The following UBE2V2 variants were observed in gnomAD, a reference collection of about 807,000 sequenced individuals.
The protein encoded by UBE2V2 is ubiquitin conjugating enzyme E2 V2, also known as ubiquitin-conjugating enzyme E2 variant 2.
Under a neutral mutation model 17.2 loss-of-function variants are expected in UBE2V2, and 9 were observed. That is an observed-to-expected ratio of 0.52 (90% CI 0.32 to 0.91). The LOEUF is 0.91. UBE2V2 is among the 40% of genes least tolerant of loss of function. UBE2V2 has a pLI of 0.04. For synonymous variants in UBE2V2, 61 were observed against 57.5 expected (o/e 1.06, Z -0.28); for missense variants, 133 against 182.6 (o/e 0.73, Z 1.56).
chr8:48,006,589 A>G (rs1563845424), upstream of UBE2V2, among the ~76,000 whole-genome samples: 1 of 152,186 alleles, frequency 6.6e-6, no homozygotes, highest in African/African-American at 2.4e-5. Context: ...AAGCTTATCC[A>G]CCAAGATCAA....
chr8:48,001,663 G>C, the UBE2V2 span, among the ~76,000 whole-genome samples: 1 of 152,084 alleles, frequency 6.6e-6, no homozygotes, highest in Non-Finnish European at 1.5e-5. Flanking sequence ...GTGAAAAATT[G>C]GTCCTCCAGA....
intron 1 of UBE2V2, among the ~76,000 whole-genome samples, chr8:48,020,887 G>A (rs1045458531): frequency 2.3e-4 from 35 of 151,558 alleles, no homozygotes; most frequent in African/African-American, 8.5e-4. Context: ...GCAGGCATGT[G>A]CCACGATGCC....
the UBE2V2 span, among the ~76,000 whole-genome samples, chr8:47,999,939 A>G: frequency 2.0e-5 from 3 of 152,258 alleles, no homozygotes; most frequent in Non-Finnish European, 4.4e-5. Flanking sequence ...TGCATGCACC[A>G]GTAATCAGAA....
chr8:48,037,998 CTT>C (rs771255564), intron 1 of UBE2V2, among the ~76,000 whole-genome samples: 11 of 152,290 alleles, frequency 7.2e-5, no homozygotes, highest in African/African-American at 1.9e-4. Flanking sequence ...ATTTCTGACT[CTT>C]TGCTCTCATA....
chr8:48,021,855 T>A, intron 1 of UBE2V2, among the ~76,000 whole-genome samples: 1 of 151,546 alleles, frequency 6.6e-6, no homozygotes, highest in East Asian at 2.0e-4. Context: ...GTCTGGCTAA[T>A]TTTTAGTAGA....
At position 48,027,875 on chromosome 8, in the gene UBE2V2, A is replaced by G. The variant is rs954345548; in HGVS notation, c.17-15158A>G. On this transcript the variant is annotated intron_variant, in intron 1 of 3. Coordinates refer to ENST00000523111, the MANE Select transcript of UBE2V2 (RefSeq NM_003350.3). ...TTTATTCATTTTTTTTTTGTTTTTG[A>G]GACGGAGTCTCGCTCTCGCCCAGGC... Among the ~76,000 whole-genome samples the G allele has an allele frequency of 5.3e-5, 8 of 151,644 alleles. 1 individual carries two copies. The highest frequency in any genetic ancestry group is 1.9e-4 in the African/African-American group (8 of 41,260).
At chr8:48,032,725 TCAAAA>T (rs2091392377) in intron 1 of UBE2V2, among the ~76,000 whole-genome samples, 1 of 152,132 alleles carries the variant, frequency 6.6e-6, no homozygotes, top group Admixed American at 6.6e-5. Context: ...AGTCCCTGTC[TCAAAA>T]CAAACACGCA....
chr8:48,043,833 G>T (rs567286145), intron 2 of UBE2V2, among the ~76,000 whole-genome samples: 1 of 151,878 alleles, frequency 6.6e-6, no homozygotes, highest in South Asian at 2.1e-4. Flanking sequence ...TTTCTAGTAT[G>T]GTTGGCAACT....
rs1302189402 is a variant in UBE2V2, at chr8:48,062,933, G to T, written c.*2105G>T. On this transcript the variant is annotated 3_prime_UTR_variant, in exon 4 of 4. Coordinates refer to ENST00000523111, the MANE Select transcript of UBE2V2 (RefSeq NM_003350.3). ...ATATAGTCTTTAAAAATTTTTAATG[G>T]TTAAAGATTAAATTGAATGAAACTG... is the stretch of plus-strand genomic sequence containing the variant. 1 of 152,120 alleles carries T rather than the reference G, an allele frequency of 6.6e-6. No homozygotes were observed. Among genetic ancestry groups the T allele is most frequent in the African/African-American group, 2.4e-5 (1 of 41,432 alleles). 9.4% of individuals were successfully genotyped at this position (152,120 alleles called of 1,614,324 possible).
At chr8:48,017,815 C>T (rs1259885791) in intron 1 of UBE2V2, among the ~76,000 whole-genome samples, 3 of 146,792 alleles carry the variant, frequency 2.0e-5, no homozygotes, top group South Asian at 2.1e-4. Context: ...ATTGACTTTT[C>T]TTCCTGTTTT....
chr8:48,011,582 G>A (rs2091231973), intron 1 of UBE2V2, among the ~76,000 whole-genome samples: 1 of 152,206 alleles, frequency 6.6e-6, no homozygotes, highest in African/African-American at 2.4e-5. Context: ...AGTTCAGTGT[G>A]CATCATATAC....
At chr8:48,015,050 C>CAAAAA (rs1173137634) in intron 1 of UBE2V2, among the ~76,000 whole-genome samples, 1 of 63,748 alleles carries the variant, frequency 1.6e-5, no homozygotes, top group African/African-American at 6.2e-5. Context: ...ACTCCATCTC[C>CAAAAA]AAAAAAAAAA....
At chr8:48,039,875 G>A (rs1322100054) in intron 1 of UBE2V2, among the ~76,000 whole-genome samples, 4 of 151,850 alleles carry the variant, frequency 2.6e-5, no homozygotes, top group Non-Finnish European at 5.9e-5. Flanking sequence ...ACAGGCATGT[G>A]CCAGCTACCA....
intron 1 of UBE2V2, among the ~76,000 whole-genome samples, chr8:48,009,161 C>G (rs772423590): frequency 2.0e-5 from 3 of 152,074 alleles, no homozygotes; most frequent in Non-Finnish European, 4.4e-5. Context: ...CAAGTATTAA[C>G]GTTGAGGTTT....
chr8:48,035,107 C>CTTTTTTTTTTTT (rs578114987), intron 1 of UBE2V2: 5 of 855,618 alleles, frequency 5.8e-6, no homozygotes, highest in African/African-American at 2.7e-5. Flanking sequence ...CCTATTTATT[C>CTTTTTTTTTTTT]TTTTTTTTTT....
At chr8:48,028,571 C>T (rs1292085246) in intron 1 of UBE2V2, among the ~76,000 whole-genome samples, 3 of 152,078 alleles carry the variant, frequency 2.0e-5, no homozygotes, top group African/African-American at 4.8e-5. Flanking sequence ...CTCCTGACCT[C>T]AGGTGATCTG....
At chr8:48,058,084 A>C (rs1012600508) in intron 3 of UBE2V2, among the ~76,000 whole-genome samples, 48 of 152,116 alleles carry the variant, frequency 3.2e-4, no homozygotes, top group African/African-American at 1.2e-3. Flanking sequence ...CTGTAATCCC[A>C]GTGGTTTGTG....
Position 48,008,470 on chromosome 8 carries a change from G to A in UBE2V2, c.16G>A (p.Gly6Arg), listed in dbSNP as rs2154506513. ...GCAGGAGAAGATGGCGGTCTCCACA[G>A]GTCGGTTCCCGGGCCGGGCTGCGTG... MAVST[G>R]VKVPRNFRLL... The change falls in exon 1 of 4, where the codon GGA (glycine) becomes AGA (arginine). Residue 6 changes from glycine to arginine, a missense_variant and splice_region_variant. By Grantham distance (125) the Gly-to-Arg change is moderately radical. Coordinates refer to ENST00000523111, the MANE Select transcript of UBE2V2 (RefSeq NM_003350.3). The A allele has an allele frequency of 1.3e-6, 2 of 1,568,632 alleles. No individual in the cohort carries two copies. Among genetic ancestry groups the A allele is most frequent in the Non-Finnish European group, 1.7e-6 (2 of 1,159,370 alleles).
chr8:48,063,543 C>T lies in UBE2V2; in HGVS notation c.*2715C>T, dbSNP rs1802624319. ...TACTAATAAAGATTACCAAAAGAAA[C>T]TTCTTGTCCTGTTAGGTCAGTGTTA... On this transcript the variant is annotated 3_prime_UTR_variant, in exon 4 of 4. Coordinates refer to ENST00000523111, the MANE Select transcript of UBE2V2 (RefSeq NM_003350.3). 1 of 152,138 alleles carries T rather than the reference C, an allele frequency of 6.6e-6. No homozygotes were observed. The highest frequency in any genetic ancestry group is 6.6e-5 in the Admixed American group (1 of 15,264). The allele number at this position is 152,138 out of a possible 1,614,324, so 9.4% of individuals were successfully genotyped here.
Sources: gnomAD v4.1 joint callset for allele counts (sites outside exome capture counted in the v4.1 genomes callset) on GRCh38, gnomAD v4.1.1 for gene constraint, MANE v1.5 for transcripts, NCBI Gene and HGNC (gene_info 2026-07-23, HGNC 2026-07-21) for gene names.